Variants in KDM7A observed in about 807,000 individuals in gnomAD.
KDM7A encodes lysine-specific demethylase 7A.
Under a neutral mutation model 114.8 loss-of-function variants are expected in KDM7A, and 28 were observed. That is an observed-to-expected ratio of 0.24 (90% confidence interval 0.18 to 0.33). The LOEUF (loss-of-function observed/expected upper bound fraction) is 0.33. KDM7A is among the 10% of genes least tolerant of loss of function. The probability of loss-of-function intolerance (pLI) is 1.00; values close to 1 mark genes in which losing one functional copy is unlikely to be tolerated. For missense variants in KDM7A, 942 were observed against 1,142.5 expected (o/e 0.82, Z 2.53); for synonymous variants, 423 against 397.8 (o/e 1.06, Z -0.75).
At chr7:140,109,014 C>T (rs1165943932) in intron 11 of KDM7A, among the ~76,000 whole-genome samples, 2 of 152,280 alleles carry the variant, frequency 1.3e-5, no homozygotes, top group Non-Finnish European at 1.5e-5. Flanking sequence ...GCAGTTTGAT[C>T]TCAGACTGCT....
rs1369742013 is a variant in KDM7A at position 140,122,487 on chromosome 7, T to C, written c.1052-1958A>G. The stretch of plus-strand genomic sequence containing the variant: ...TTCACAATGAAAATACTGTTACTAA[T>C]CTAGGCAAATATTCTGGTAGTTCTA... On this transcript the variant is annotated intron_variant, in intron 7 of 19. Coordinates refer to ENST00000397560, the MANE Select transcript of KDM7A (RefSeq NM_030647.2). Among the ~76,000 whole-genome samples, 4 of 152,146 alleles carry C rather than the reference T, an allele frequency of 2.6e-5. No individual in the cohort carries two copies. In the East Asian group the frequency reaches 7.7e-4, roughly 29 times the overall value.
chr7:140,160,705 T>C (rs1794509329), intron 1 of KDM7A, among the ~76,000 whole-genome samples: 1 of 152,142 alleles, frequency 6.6e-6, no homozygotes, highest in African/African-American at 2.4e-5. Context: ...AATAATCAAT[T>C]GCTTACGGGG....
chr7:140,089,147 G>A lies in KDM7A; in HGVS notation c.*1947C>T, dbSNP rs1817979876. ...GTCAAACCCAGATTTTTGACATCCT[G>A]AGATAAGATGACTCTACCCATCTTT... On this transcript the variant is annotated 3_prime_UTR_variant, in exon 20 of 20. Transcript: ENST00000397560. 6.6e-6 allele frequency: 1 copy of A among 152,138 alleles called. No homozygotes were observed. 9.4% of individuals were successfully genotyped at this position (152,138 alleles called of 1,614,324 possible). A position where few individuals can be genotyped will look rare whatever the true frequency, so the allele number is the denominator to read the frequency against.
chr7:140,119,331 TATTTTAC>T, intron 8 of KDM7A, 112 bp from the exon 9 acceptor site: 1 of 536,472 alleles, frequency 1.9e-6, no homozygotes, highest in Non-Finnish European at 3.3e-6. Context: ...ACCAATAAAG[TATTTTAC>T]ATTTCTTAGC....
intron 1 of KDM7A, among the ~76,000 whole-genome samples, chr7:140,151,106 C>T (rs1472907077): frequency 6.6e-6 from 1 of 152,124 alleles, no homozygotes; most frequent in African/African-American, 2.4e-5. Context: ...GCTGGGATTA[C>T]AGGCGTGAGC....
chr7:140,106,679 C>T (rs1818342132), intron 11 of KDM7A, among the ~76,000 whole-genome samples: 1 of 152,176 alleles, frequency 6.6e-6, no homozygotes. Context: ...TGTTCTTTTA[C>T]ATTCGCTGAG....
At chr7:140,143,303 A>C (rs1033096402) in intron 1 of KDM7A, among the ~76,000 whole-genome samples, 1 of 152,194 alleles carries the variant, frequency 6.6e-6, no homozygotes, top group African/African-American at 2.4e-5. Context: ...TAAAAAAACA[A>C]GGAAGAGATG....
intron 9 of KDM7A, among the ~76,000 whole-genome samples, chr7:140,116,942 A>G (rs1818539900): frequency 6.6e-6 from 1 of 152,244 alleles, no homozygotes; most frequent in Admixed American, 6.5e-5. Flanking sequence ...TTAACCCACC[A>G]TATAAGCCTT....
chr7:140,130,336 C>A (rs973218717), intron 3 of KDM7A, among the ~76,000 whole-genome samples: 2 of 152,038 alleles, frequency 1.3e-5, no homozygotes, highest in African/African-American at 4.8e-5. Flanking sequence ...AAAAACTAGT[C>A]AGGCCAGGCA....
chr7:140,137,189 AT>A (rs1296345289), intron 2 of KDM7A, among the ~76,000 whole-genome samples: 1 of 152,138 alleles, frequency 6.6e-6, no homozygotes, highest in Non-Finnish European at 1.5e-5. Flanking sequence ...AAGATAGTCA[AT>A]GCCTGGTCTT....
chr7:140,164,455 T>C (rs936763607), intron 1 of KDM7A, among the ~76,000 whole-genome samples: 1 of 152,180 alleles, frequency 6.6e-6, no homozygotes, highest in Non-Finnish European at 1.5e-5. Flanking sequence ...AAATCAAAAA[T>C]GTCTCTAGAC....
intron 1 of KDM7A, among the ~76,000 whole-genome samples, chr7:140,151,348 G>A (rs1794398160): frequency 6.6e-6 from 1 of 152,164 alleles, no homozygotes; most frequent in Non-Finnish European, 1.5e-5. Flanking sequence ...ATTGCCCACA[G>A]ATCTACCTAA....
intron 3 of KDM7A, among the ~76,000 whole-genome samples, chr7:140,130,089 GA>G (rs557298576): frequency 2.0e-5 from 3 of 148,208 alleles, no homozygotes; most frequent in Non-Finnish European, 3.0e-5. Flanking sequence ...TATTCCAAAA[GA>G]AAAAAAAAAT....
rs956306312 is a variant in KDM7A, at chr7:140,086,281, G to A, written c.*4813C>T. The A allele has an allele frequency of 2.0e-5, 3 of 152,174 alleles. No homozygotes were observed. The highest frequency in any genetic ancestry group is 4.4e-5 in the Non-Finnish European group (3 of 68,026). 9.4% of individuals were successfully genotyped at this position (152,174 alleles called of 1,614,324 possible). A position where few individuals can be genotyped will look rare whatever the true frequency, so the allele number is the denominator to read the frequency against. On this transcript the variant is annotated 3_prime_UTR_variant, in exon 20 of 20. Transcript: ENST00000397560. ...TTTCGAAAGGTTTTAACAACAAAAT[G>A]TAATGTTATACTTGTTAAGACAAAG...
At chr7:140,132,165 T>C (rs1303508427) in intron 3 of KDM7A, among the ~76,000 whole-genome samples, 1 of 152,244 alleles carries the variant, frequency 6.6e-6, no homozygotes, top group Non-Finnish European at 1.5e-5. Context: ...GTGTTAATCA[T>C]ATCAAGCATG....
Position 140,113,509 on chromosome 7 carries a change from T to C in KDM7A, c.1320A>G (p.Lys440=). 6.3e-7 allele frequency: 1 copy of C among 1,588,794 alleles called. No individual in the cohort carries two copies. Among genetic ancestry groups the C allele is most frequent in the Non-Finnish European group, 8.6e-7 (1 of 1,161,544 alleles). Residue 440 remains lysine, a synonymous_variant, in exon 10 of 20, where the codon AAA becomes AAG. Coordinates refer to ENST00000397560, the MANE Select transcript of KDM7A (RefSeq NM_030647.2). ...AACTTACTTCTTTTTTCATCCATAA[T>C]TTTAAAGCAGTATGCAGTGCTTTCA... ...QGVKALHTAL[K]LWMKKELVSE...
intron 1 of KDM7A, among the ~76,000 whole-genome samples, chr7:140,162,337 C>CA (rs57973867): frequency 3.4e-3 from 457 of 133,304 alleles, no homozygotes; most frequent in Middle Eastern, 0.012. Flanking sequence ...CTCAGTCTCC[C>CA]AAAAAAAAAA....
chr7:140,146,896 AAC>A (rs1794345360), intron 1 of KDM7A, among the ~76,000 whole-genome samples: 1 of 152,270 alleles, frequency 6.6e-6, no homozygotes, highest in African/African-American at 2.4e-5. Flanking sequence ...CCTCTCGGAT[AAC>A]ACTCTCATTT....
rs375135236 is a variant in KDM7A at position 140,103,680 on chromosome 7, T to A, written c.1429-1520A>T. Among the ~76,000 whole-genome samples the A allele has an allele frequency of 2.0e-5, 3 of 152,372 alleles. No individual in the cohort carries two copies. The South Asian group carries it at 6.2e-4, about 32-fold the overall frequency. ...GCTGCATAGTATTCTACAGTGTATA[T>A]GTGCCACAATTTCTTAATCCAGTCT... On this transcript the variant is annotated intron_variant, in intron 11 of 19. Transcript: ENST00000397560.
Sources: allele counts gnomAD v4.1 joint callset (sites outside exome capture counted in the v4.1 genomes callset), GRCh38; gene constraint gnomAD v4.1.1; transcripts MANE v1.5; gene names NCBI Gene and HGNC (gene_info 2026-07-23, HGNC 2026-07-21).